RASSF8: variants seen among roughly 807,000 people sequenced by gnomAD.
RASSF8 encodes Ras association domain family member 8.
In RASSF8, 22 loss-of-function variants were observed where a neutral mutation model predicts 48.5. That is an observed-to-expected ratio of 0.45 (90% CI 0.32 to 0.65). The LOEUF (loss-of-function observed/expected upper bound fraction) is 0.65, where lower values mean the gene tolerates loss of function less well. Ranked by LOEUF, RASSF8 falls within the 30% of genes least tolerant of loss-of-function variation. The pLI is 0.03. For synonymous variants in RASSF8, 127 were observed against 171.5 expected (o/e 0.74, Z 2.03); for missense variants, 418 against 489.2 (o/e 0.85, Z 1.37).
chr12:25,968,369 G>A (rs548596624), intron 1 of RASSF8, among the ~76,000 whole-genome samples: 3 of 152,168 alleles, frequency 2.0e-5, no homozygotes, highest in South Asian at 2.1e-4. Context: ...TTGAGACAGA[G>A]TCTCGCTCTG....
chr12:26,060,948 T>C (rs1434048022), intron 3 of RASSF8, among the ~76,000 whole-genome samples: 5 of 152,290 alleles, frequency 3.3e-5, no homozygotes. Context: ...TATTCATCTT[T>C]GGGGTGTGGA....
At chr12:25,993,153 C>T (rs547947079) in intron 1 of RASSF8, among the ~76,000 whole-genome samples, 24 of 152,226 alleles carry the variant, frequency 1.6e-4, no homozygotes, top group Admixed American at 3.9e-4. Flanking sequence ...GAACTGCCCC[C>T]GCTCCCTGCA....
At chr12:25,962,089 T>C (rs73074880) in intron 1 of RASSF8, among the ~76,000 whole-genome samples, 15,256 of 152,200 alleles carry the variant, frequency 0.1, 811 homozygotes, top group Middle Eastern at 0.15. Flanking sequence ...CGTCTTAAAG[T>C]TGTCAGGGCT....
intron 1 of RASSF8, among the ~76,000 whole-genome samples, chr12:25,967,303 GCT>G (rs1024672831): frequency 6.6e-6 from 1 of 151,662 alleles, no homozygotes; most frequent in Non-Finnish European, 1.5e-5. Flanking sequence ...TTTGTTATTT[GCT>G]CTCTGTTATA....
Position 26,069,281 on chromosome 12 carries a change from G to A in RASSF8, c.*463G>A, listed in dbSNP as rs898946122. On this transcript the variant is annotated 3_prime_UTR_variant, in exon 6 of 6. Transcript: ENST00000689635. ...GTGTGATTATGACCGTGTGCATGTT[G>A]CCAGACTCCATCCATGCATTGCTGA... 1.0e-6 allele frequency: 1 copy of A among 984,286 alleles called. No homozygotes were observed. The highest frequency in any genetic ancestry group is 1.8e-5 in the African/African-American group (1 of 57,116). The allele number at this position is 984,286 out of a possible 1,614,324, so 61.0% of individuals were successfully genotyped here.
At chr12:26,027,946 G>C (rs1942950841) in intron 2 of RASSF8, among the ~76,000 whole-genome samples, 1 of 152,182 alleles carries the variant, frequency 6.6e-6, no homozygotes, top group Admixed American at 6.5e-5. Flanking sequence ...ACAAAGGAGT[G>C]GCTGTGAGGA....
chr12:25,986,433 G>A (rs1259718984), intron 1 of RASSF8, among the ~76,000 whole-genome samples: 1 of 152,174 alleles, frequency 6.6e-6, no homozygotes, highest in Non-Finnish European at 1.5e-5. Context: ...CCTCTAGAAT[G>A]TACAGAGGAG....
downstream of RASSF8, among the ~76,000 whole-genome samples, chr12:26,075,058 G>A (rs1469278606): frequency 2.0e-5 from 3 of 152,342 alleles, no homozygotes; most frequent in Middle Eastern, 3.4e-3. Context: ...AGGCCTGTAG[G>A]AGTCCAGGCC....
intron 2 of RASSF8, among the ~76,000 whole-genome samples, chr12:26,044,093 A>T (rs913142841): frequency 6.6e-6 from 1 of 152,202 alleles, no homozygotes; most frequent in South Asian, 2.1e-4. Flanking sequence ...CACTGTCCCA[A>T]TACTATTCCC....
rs1257558817 is a variant in RASSF8 at position 26,071,507 on chromosome 12, G to A, written c.*2689G>A. On this transcript the variant is annotated 3_prime_UTR_variant, in exon 6 of 6. Coordinates refer to ENST00000689635, the MANE Select transcript of RASSF8 (RefSeq NM_001394098.1). Reference sequence around the variant, plus strand: ...TCTTACCAAGAAATAATTTGGAATAGCATTGGTATATTTGACCTTTTGAGT... The same window carrying A: ...TCTTACCAAGAAATAATTTGGAATAACATTGGTATATTTGACCTTTTGAGT... The A allele has an allele frequency of 6.2e-6, 6 of 966,320 alleles. No individual in the cohort carries two copies. In the South Asian group the frequency reaches 1.9e-4, roughly 31 times the overall value. The allele number at this position is 966,320 out of a possible 1,614,324, so 59.9% of individuals were successfully genotyped here.
intron 3 of RASSF8, among the ~76,000 whole-genome samples, chr12:26,062,619 C>G (rs1234604819): frequency 2.0e-5 from 3 of 152,170 alleles, no homozygotes; most frequent in Non-Finnish European, 2.9e-5. Flanking sequence ...ACTCCAGAAC[C>G]TTTGTCCCAT....
chr12:26,078,035 C>T (rs888649537), intron 5 of RASSF8, among the ~76,000 whole-genome samples: 3 of 152,030 alleles, frequency 2.0e-5, no homozygotes, highest in Non-Finnish European at 2.9e-5. Context: ...TGAGTAAATC[C>T]GGGAAGACTC....
At chr12:25,999,350 G>A (rs1217579102) in intron 2 of RASSF8, among the ~76,000 whole-genome samples, 1 of 152,070 alleles carries the variant, frequency 6.6e-6, no homozygotes, top group Non-Finnish European at 1.5e-5. Context: ...CTATAATTTT[G>A]TAAACAACAT....
At chr12:25,974,426 C>T (rs1403831067) in intron 1 of RASSF8, among the ~76,000 whole-genome samples, 2 of 151,690 alleles carry the variant, frequency 1.3e-5, no homozygotes, top group Non-Finnish European at 2.9e-5. Context: ...ATTTATCCTA[C>T]AAGGGATGGC....
downstream of RASSF8, among the ~76,000 whole-genome samples, chr12:26,075,947 C>A (rs893266464): frequency 7.2e-5 from 11 of 152,100 alleles, no homozygotes; most frequent in African/African-American, 2.7e-4. Context: ...CCCACCAACG[C>A]CAGCCTACAT....
chr12:26,070,076 C>T lies in RASSF8; in HGVS notation c.*1258C>T. The T allele has an allele frequency of 1.0e-6, 1 of 982,596 alleles. No homozygotes were observed. The highest frequency in any genetic ancestry group is 1.2e-6 in the Non-Finnish European group (1 of 827,378). The allele number at this position is 982,596 out of a possible 1,614,324, so 60.9% of individuals were successfully genotyped here. ...TAATATTTAGACAGATTCAGTCAGACACCACTTAGCCATTTTTACATTCCC... is the reference window on the plus strand; with the variant it reads ...TAATATTTAGACAGATTCAGTCAGATACCACTTAGCCATTTTTACATTCCC... On this transcript the variant is annotated 3_prime_UTR_variant, in exon 6 of 6. Transcript: ENST00000689635.
At chr12:25,972,754 T>C (rs1941512359) in intron 1 of RASSF8, among the ~76,000 whole-genome samples, 1 of 152,248 alleles carries the variant, frequency 6.6e-6, no homozygotes, top group Non-Finnish European at 1.5e-5. Context: ...GTATGTTATG[T>C]CTGTGTGTAC....
At chr12:25,988,381 C>T (rs1219198691) in intron 1 of RASSF8, among the ~76,000 whole-genome samples, 1 of 152,010 alleles carries the variant, frequency 6.6e-6, no homozygotes, top group Non-Finnish European at 1.5e-5. Flanking sequence ...TATTATTGAA[C>T]AGATGGTTAA....
intron 2 of RASSF8, among the ~76,000 whole-genome samples, chr12:26,053,510 G>A (rs913789121): frequency 1.2e-4 from 19 of 152,160 alleles, no homozygotes; most frequent in African/African-American, 4.6e-4. Context: ...AGATTGGGCA[G>A]CATATAAAAC....
Sources: gnomAD v4.1 joint callset for allele counts (sites outside exome capture counted in the v4.1 genomes callset) on GRCh38, gnomAD v4.1.1 for gene constraint, MANE v1.5 for transcripts, NCBI Gene and HGNC (gene_info 2026-07-23, HGNC 2026-07-21) for gene names.